Variants in SCHIP1 observed in about 807,000 individuals in gnomAD.
SCHIP1 encodes the protein schwannomin interacting protein 1.
Under a neutral mutation model 29.7 loss-of-function variants are expected in SCHIP1, and 8 were observed. The observed-to-expected ratio is 0.27, with a 90% CI of 0.16 to 0.49. SCHIP1 has a LOEUF of 0.49. Ranked by LOEUF, SCHIP1 falls within the 20% of genes least tolerant of loss-of-function variation. SCHIP1 has a pLI of 0.99. For synonymous variants in SCHIP1, 76 were observed against 94.9 expected, an observed-to-expected ratio of 0.80 and a Z score of 1.16; for missense variants, 193 against 294.6, an observed-to-expected ratio of 0.66 and a Z score of 2.52.
chr3:159,695,929 C>T, the SCHIP1 span, among the ~76,000 whole-genome samples: 1 of 152,116 alleles, frequency 6.6e-6, no homozygotes, highest in African/African-American at 2.4e-5. Context: ...CTGTCACTGC[C>T]TTATGTAGGT....
chr3:159,805,595 A>G, the SCHIP1 span, among the ~76,000 whole-genome samples: 1 of 152,152 alleles, frequency 6.6e-6, no homozygotes, highest in Non-Finnish European at 1.5e-5. Flanking sequence ...TGTCATCCAC[A>G]GTGTGTCTTT....
At chr3:159,563,860 C>A in the SCHIP1 span, among the ~76,000 whole-genome samples, 14 of 152,098 alleles carry the variant, frequency 9.2e-5, no homozygotes, top group Non-Finnish European at 1.9e-4. Context: ...AAACAGCAAT[C>A]CTCTATTGCA....
At chr3:159,773,443 A>G in the SCHIP1 span, among the ~76,000 whole-genome samples, 3 of 152,188 alleles carry the variant, frequency 2.0e-5, no homozygotes, top group Non-Finnish European at 4.4e-5. Context: ...CCCAGCCTCA[A>G]GTCACCCGAC....
the SCHIP1 span, among the ~76,000 whole-genome samples, chr3:159,630,654 A>G: frequency 8.8e-6 from 1 of 113,046 alleles, no homozygotes; most frequent in Non-Finnish European, 1.5e-5. Flanking sequence ...ATTCTCGCTC[A>G]TAAGTGGAGC....
chr3:159,730,925 C>G, the SCHIP1 span, among the ~76,000 whole-genome samples: 29,393 of 152,148 alleles, frequency 0.19, 3,388 homozygotes, highest in African/African-American at 0.31. Flanking sequence ...AGATTTCCCA[C>G]TCTACTACAT....
At chr3:159,671,002 T>C in the SCHIP1 span, among the ~76,000 whole-genome samples, 2 of 152,062 alleles carry the variant, frequency 1.3e-5, no homozygotes, top group Non-Finnish European at 2.9e-5. Context: ...AACAGAGCAA[T>C]TAAACCAAGT....
the SCHIP1 span, among the ~76,000 whole-genome samples, chr3:159,489,805 G>T: frequency 6.6e-6 from 1 of 152,030 alleles, no homozygotes; most frequent in African/African-American, 2.4e-5. Context: ...CTAATAGAAA[G>T]AATTCTAAGA....
intron 1 of SCHIP1, among the ~76,000 whole-genome samples, chr3:159,842,737 G>T (rs898688597): frequency 4.7e-5 from 7 of 149,876 alleles, no homozygotes; most frequent in Non-Finnish European, 8.9e-5. Context: ...GCCCCACTGT[G>T]TAGGGTTGCC....
At chr3:159,778,162 T>G in the SCHIP1 span, among the ~76,000 whole-genome samples, 1 of 152,054 alleles carries the variant, frequency 6.6e-6, no homozygotes, top group Admixed American at 6.6e-5. Context: ...CCCAGCTAAT[T>G]TTTTGTATTT....
At chr3:159,803,720 T>A in the SCHIP1 span, among the ~76,000 whole-genome samples, 1 of 152,218 alleles carries the variant, frequency 6.6e-6, no homozygotes, top group East Asian at 1.9e-4. Context: ...GGGAAGTGTA[T>A]GTATACATTG....
the SCHIP1 span, among the ~76,000 whole-genome samples, chr3:159,647,741 T>C: frequency 6.6e-6 from 1 of 152,210 alleles, no homozygotes; most frequent in African/African-American, 2.4e-5. Context: ...TCATCTTGTC[T>C]AGAAGCTTGT....
At chr3:159,337,988 TCTTAA>T in the SCHIP1 span, among the ~76,000 whole-genome samples, 1 of 152,208 alleles carries the variant, frequency 6.6e-6, no homozygotes, top group African/African-American at 2.4e-5. Flanking sequence ...TGTCCTTCAA[TCTTAA>T]CTTCATTATG....
At chr3:159,401,139 C>T in the SCHIP1 span, 1 of 970,448 alleles carries the variant, frequency 1.0e-6, no homozygotes, top group South Asian at 4.8e-5. Context: ...ACTTGAAGGC[C>T]TCAAGTGTAA....
At chr3:159,770,432 G>A in the SCHIP1 span, among the ~76,000 whole-genome samples, 4 of 152,064 alleles carry the variant, frequency 2.6e-5, no homozygotes, top group East Asian at 7.7e-4. Context: ...GCTAATTTTT[G>A]TATTTTTGTA....
the SCHIP1 span, among the ~76,000 whole-genome samples, chr3:159,629,697 T>C: frequency 3.9e-5 from 6 of 152,272 alleles, no homozygotes; most frequent in South Asian, 2.1e-4. Context: ...TTAAACAAAA[T>C]AGACCATGTG....
the SCHIP1 span, among the ~76,000 whole-genome samples, chr3:159,705,273 A>G: frequency 6.6e-6 from 1 of 151,998 alleles, no homozygotes; most frequent in Non-Finnish European, 1.5e-5. Flanking sequence ...CAACAATACA[A>G]TATTTTCAAA....
the SCHIP1 span, among the ~76,000 whole-genome samples, chr3:159,519,353 C>T: frequency 6.6e-6 from 1 of 152,072 alleles, no homozygotes; most frequent in Non-Finnish European, 1.5e-5. Context: ...CTTTACTTTA[C>T]TCATTTGTGA....
chr3:159,408,677 A>G, the SCHIP1 span, among the ~76,000 whole-genome samples: 2 of 152,180 alleles, frequency 1.3e-5, no homozygotes, highest in Admixed American at 1.3e-4. Context: ...CCCAGGACCC[A>G]ATGGCTTCAC....
At chr3:159,851,567 A>G (rs1712644129) in intron 1 of SCHIP1, among the ~76,000 whole-genome samples, 7 of 152,374 alleles carry the variant, frequency 4.6e-5, no homozygotes, top group Admixed American at 3.3e-4. Flanking sequence ...AGCTGTTAAT[A>G]TATGCCAGGT....
Sources: allele counts gnomAD v4.1 joint callset (sites outside exome capture counted in the v4.1 genomes callset), GRCh38; gene constraint gnomAD v4.1.1; transcripts MANE v1.5; gene names NCBI Gene and HGNC (gene_info 2026-07-23, HGNC 2026-07-21).